CFH: variants seen among roughly 807,000 people sequenced by gnomAD.
The protein encoded by CFH is complement factor H.
In CFH, 53 loss-of-function variants were observed where a neutral mutation model predicts 147.3. That is an observed-to-expected ratio of 0.36 (90% CI 0.29 to 0.45). The LOEUF (loss-of-function observed/expected upper bound fraction) is 0.45, where lower values mean the gene tolerates loss of function less well. Ranked by LOEUF, CFH falls within the 20% of genes least tolerant of loss-of-function variation. CFH has a pLI of 1.00. For missense variants in CFH, 1,380 were observed against 1,498.0 expected (o/e 0.92, Z 1.30); for synonymous variants, 536 against 489.4 (o/e 1.10, Z -1.26).
rs747428652 is a variant in CFH, at chr1:196,745,946, A to G, written c.3440A>G (p.Asn1147Ser). ...QCQNLYQLEG[N>S]KRITCRNGQW... The stretch of plus-strand genomic sequence containing the variant: ...CAGAACTTGTATCAACTTGAGGGTA[A>G]CAAGCGAATAACATGTAGAAATGGA... The change falls in exon 21 of 22, where the codon AAC becomes AGC. Residue 1147 changes from asparagine to serine, a missense_variant. Asn to Ser is a conservative substitution (Grantham distance 46, BLOSUM62 1). Around this residue, in one of 4 missense-constraint regions of CFH, gnomAD observed 123 missense variants for 185.3 expected, o/e 0.66. Coordinates refer to ENST00000367429, the MANE Select transcript of CFH (RefSeq NM_000186.4). The G allele has an allele frequency of 6.2e-6, 10 of 1,614,038 alleles. No homozygotes were observed. The South Asian group carries it at 8.8e-5, about 14-fold the overall frequency.
At chr1:196,685,323 T>G (rs1316101644) in intron 7 of CFH, 86 bp downstream of exon 7, 1 of 1,324,578 alleles carries the variant, frequency 7.5e-7, no homozygotes, top group Non-Finnish European at 1.1e-6. Flanking sequence ...TAAAACCAAA[T>G]ATTTGTCTTA....
chr1:196,688,902 C>T (rs1440419119), intron 7 of CFH, among the ~76,000 whole-genome samples: 5 of 152,190 alleles, frequency 3.3e-5, no homozygotes, highest in East Asian at 1.9e-4. Flanking sequence ...TGAGCCACTG[C>T]GCCCAGCCCA....
chr1:196,733,087 C>T (rs1669316908), intron 15 of CFH, among the ~76,000 whole-genome samples: 1 of 151,958 alleles, frequency 6.6e-6, no homozygotes, highest in African/African-American at 2.4e-5. Context: ...GAAGTGATGA[C>T]CTTTGAATGC....
At position 196,743,563 on chromosome 1, in the gene CFH, A is replaced by AC. The variant is rs1395412373; in HGVS notation, c.3245_3246insC (p.Glu1082AspfsTer6). 6.2e-7 allele frequency: 1 copy of AC among 1,613,948 alleles called. No individual in the cohort carries two copies. Among genetic ancestry groups the AC allele is most frequent in the African/African-American group, 1.3e-5 (1 of 74,914 alleles). On this transcript the variant is annotated frameshift_variant, in exon 20 of 22. Coordinates refer to ENST00000367429, the MANE Select transcript of CFH (RefSeq NM_000186.4). LOFTEE classifies it high-confidence loss of function. ...CGTTATCAATGTAGGAGCCCTTATG[A>AC]AATGTTTGGGGATGAAGAAGTGATG...
At chr1:196,665,447 T>C (rs1410330530) in intron 1 of CFH, among the ~76,000 whole-genome samples, 1 of 151,524 alleles carries the variant, frequency 6.6e-6, no homozygotes, top group East Asian at 1.9e-4. Context: ...AGCAGATAAT[T>C]AAAAAATTAT....
At chr1:196,678,080 G>A (rs1170895637) in intron 5 of CFH, 1 of 186,122 alleles carries the variant, frequency 5.4e-6, no homozygotes, top group Non-Finnish European at 1.1e-5. Flanking sequence ...CTCTGGAATA[G>A]ACATTTGTTT....
chr1:196,680,409 A>G (rs1001954737), intron 6 of CFH, among the ~76,000 whole-genome samples: 3 of 151,738 alleles, frequency 2.0e-5, no homozygotes, highest in Non-Finnish European at 4.4e-5. Context: ...ACCAAAAAAT[A>G]TATCTGGAAT....
At position 196,676,037 on chromosome 1, in the gene CFH, A is replaced by G; in HGVS notation, c.399A>G (p.Gly133=). The change falls in exon 4 of 22, where the codon GGA becomes GGG. Residue 133 remains glycine, a synonymous_variant. Transcript: ENST00000367429. ...EINYRECDTD[G]WTNDIPICEV... ...ATTACCGTGAATGTGACACAGATGG[A>G]TGGACCAATGATATTCCTATATGTG... 2 of 1,609,684 alleles carry G rather than the reference A, an allele frequency of 1.2e-6. No homozygotes were observed. Among genetic ancestry groups the G allele is most frequent in the Non-Finnish European group, 8.5e-7 (1 of 1,176,580 alleles).
chr1:196,742,983 T>G (rs983856035), intron 19 of CFH, among the ~76,000 whole-genome samples: 1 of 152,236 alleles, frequency 6.6e-6, no homozygotes, highest in Non-Finnish European at 1.5e-5. Context: ...TCTTTGCTTA[T>G]TCGCTAAGAA....
intron 5 of CFH, 133 bp downstream of exon 5, chr1:196,677,800 T>A: frequency 1.2e-6 from 1 of 836,554 alleles, no homozygotes; most frequent in Non-Finnish European, 2.0e-6. Flanking sequence ...TATCTGCCTG[T>A]AATTGAGCTA....
chr1:196,702,896 G>T (rs562979117), intron 9 of CFH, among the ~76,000 whole-genome samples: 1 of 152,212 alleles, frequency 6.6e-6, no homozygotes, highest in African/African-American at 2.4e-5. Context: ...AATGAGGGTT[G>T]CTTTGGAATT....
At chr1:196,734,286 G>A (rs1266792878) in intron 15 of CFH, among the ~76,000 whole-genome samples, 1 of 152,054 alleles carries the variant, frequency 6.6e-6, no homozygotes, top group African/African-American at 2.4e-5. Flanking sequence ...TCTTTCAGGA[G>A]GAGTTCATTT....
At chr1:196,695,568 T>C (rs1208087315) in intron 9 of CFH, among the ~76,000 whole-genome samples, 2 of 152,116 alleles carry the variant, frequency 1.3e-5, no homozygotes, top group African/African-American at 4.8e-5. Flanking sequence ...TAGATGGGAA[T>C]AGCATTGTAT....
chr1:196,698,478 T>C (rs1169065836), intron 9 of CFH, among the ~76,000 whole-genome samples: 1 of 152,012 alleles, frequency 6.6e-6, no homozygotes, highest in African/African-American at 2.4e-5. Flanking sequence ...CTGGAAGAAA[T>C]GGATAAATTC....
chr1:196,665,321 C>G (rs971063444), intron 1 of CFH, among the ~76,000 whole-genome samples: 68 of 150,326 alleles, frequency 4.5e-4, no homozygotes, highest in African/African-American at 1.3e-3. Flanking sequence ...ATGCATTAAG[C>G]CTTCCTTTTT....
chr1:196,714,664 T>TAGAGAGAGAGAG (rs1668816023), intron 10 of CFH, among the ~76,000 whole-genome samples: 2 of 31,794 alleles, frequency 6.3e-5, no homozygotes, highest in Non-Finnish European at 1.2e-4. Flanking sequence ...TATATATATA[T>TAGAGAGAGAGAG]ATATAGAGAG....
rs771334291 is a variant in CFH at position 196,652,194 on chromosome 1, C to T, written c.58+19C>T. 3.8e-5 allele frequency: 60 copies of T among 1,572,526 alleles called. No individual in the cohort carries two copies. Among genetic ancestry groups the T allele is most frequent in the Non-Finnish European group, 5.2e-5 (59 of 1,142,656 alleles). ...GCAGAAGGTAAGATTAAAAGAGACT[C>T]TTTTCTGAAAACTGTATTATGAAAC... On this transcript the variant is annotated intron_variant, in intron 1 of 21. Transcript: ENST00000367429.
At chr1:196,694,542 A>G (rs913779573) in intron 9 of CFH, among the ~76,000 whole-genome samples, 2 of 152,158 alleles carry the variant, frequency 1.3e-5, no homozygotes, top group African/African-American at 4.8e-5. Context: ...GCTGGGTCAA[A>G]TGGTATCTCT....
chr1:196,676,821 G>T (rs1437006068), intron 4 of CFH, among the ~76,000 whole-genome samples: 3 of 152,036 alleles, frequency 2.0e-5, no homozygotes, highest in African/African-American at 7.2e-5. Context: ...CATCTACATT[G>T]AAATCACCTG....
Sources: allele counts gnomAD v4.1 joint callset (sites outside exome capture counted in the v4.1 genomes callset), GRCh38; gene constraint gnomAD v4.1.1; regional missense constraint gnomAD v4.1.1; transcripts MANE v1.5; gene names NCBI Gene and HGNC (gene_info 2026-07-23, HGNC 2026-07-21).